Variants in JARID2 observed in about 807,000 individuals in gnomAD.
JARID2 encodes the protein jumonji and AT-rich interaction domain containing 2.
Under a neutral mutation model 125.6 loss-of-function variants are expected in JARID2, and 21 were observed. The ratio of observed to expected loss-of-function variants is 0.17; its 90% CI spans 0.12 to 0.24. JARID2 has a LOEUF of 0.24. Among genes scored for constraint, JARID2 ranks in the 10% least tolerant of loss-of-function variants. JARID2 has a pLI of 1.00. For missense variants in JARID2, 1,303 were observed against 1,639.6 expected (o/e 0.79, Z 3.55); for synonymous variants, 736 against 661.6 (o/e 1.11, Z -1.73).
rs900425251 is a variant in JARID2, at chr6:15,318,935, C to A, written c.46-55182C>A. Among the ~76,000 whole-genome samples the A allele has an allele frequency of 3.9e-5, 6 of 152,326 alleles. No individual in the cohort carries two copies. In the East Asian group the frequency reaches 9.6e-4, roughly 24 times the overall value. Reference sequence around the variant, plus strand: ...CTGTGAATCCCAGTGGCAAAGAGCTCTGCACTTCCCGCTAATTTCTGTTTT... The same window carrying A: ...CTGTGAATCCCAGTGGCAAAGAGCTATGCACTTCCCGCTAATTTCTGTTTT... On this transcript the variant is annotated intron_variant, in intron 1 of 17. Coordinates refer to ENST00000341776, the MANE Select transcript of JARID2 (RefSeq NM_004973.4).
At chr6:15,519,085 G>A (rs999708830) in intron 17 of JARID2, among the ~76,000 whole-genome samples, 7 of 152,224 alleles carry the variant, frequency 4.6e-5, no homozygotes, top group Non-Finnish European at 1.0e-4. Flanking sequence ...TAGTGTGAGA[G>A]CACTGGTCTG....
intron 2 of JARID2, among the ~76,000 whole-genome samples, chr6:15,379,542 C>A (rs1561824397): frequency 6.6e-6 from 1 of 152,164 alleles, no homozygotes; most frequent in Non-Finnish European, 1.5e-5. Context: ...ATTTGAATTT[C>A]ATTTGCTTCC....
Position 15,308,534 on chromosome 6 carries a change from G to A in JARID2, c.45+61950G>A, listed in dbSNP as rs543722554. On this transcript the variant is annotated intron_variant, in intron 1 of 17. Coordinates refer to ENST00000341776, the MANE Select transcript of JARID2 (RefSeq NM_004973.4). ...ACATTGATAGAAATCCAGAAAGAGA[G>A]AGTCCTGTTTTCTCCCCTGTGGTTA... Among the ~76,000 whole-genome samples, 63 of 152,276 alleles carry A rather than the reference G, an allele frequency of 4.1e-4. 2 individuals carry two copies. In the South Asian group the frequency reaches 0.012, roughly 30 times the overall value.
intron 2 of JARID2, among the ~76,000 whole-genome samples, chr6:15,403,442 A>G (rs2127558450): frequency 6.6e-6 from 1 of 152,110 alleles, no homozygotes; most frequent in East Asian, 1.9e-4. Flanking sequence ...TTCTAGTAGT[A>G]GCAGTGTTCT....
At chr6:15,393,666 T>C (rs184234718) in intron 2 of JARID2, among the ~76,000 whole-genome samples, 120 of 152,338 alleles carry the variant, frequency 7.9e-4, no homozygotes, top group African/African-American at 2.4e-3. Flanking sequence ...TTCTCCATGA[T>C]GTATGAAGCT....
chr6:15,497,458 G>A (rs1425950633), intron 7 of JARID2, among the ~76,000 whole-genome samples: 2 of 152,086 alleles, frequency 1.3e-5, no homozygotes, highest in Non-Finnish European at 1.5e-5. Context: ...TCAGGAGATC[G>A]AGATCACGGT....
chr6:15,362,564 T>C (rs1486223030), intron 1 of JARID2, among the ~76,000 whole-genome samples: 2 of 151,772 alleles, frequency 1.3e-5, no homozygotes, highest in African/African-American at 2.4e-5. Flanking sequence ...CAATTAGGGG[T>C]GTTGGTAGTT....
At chr6:15,495,383 C>T (rs990414424) in intron 6 of JARID2, among the ~76,000 whole-genome samples, 23 of 152,106 alleles carry the variant, frequency 1.5e-4, no homozygotes, top group African/African-American at 4.6e-4. Flanking sequence ...ATATAGGAAG[C>T]GCGTGTGCAG....
chr6:15,323,374 C>G (rs546101423), intron 1 of JARID2, among the ~76,000 whole-genome samples: 1 of 152,008 alleles, frequency 6.6e-6, no homozygotes, highest in African/African-American at 2.4e-5. Context: ...GCTACAGCAC[C>G]GGGAAATCCT....
intron 17 of JARID2, among the ~76,000 whole-genome samples, chr6:15,517,648 C>T (rs1020874133): frequency 2.0e-4 from 31 of 152,212 alleles, no homozygotes; most frequent in African/African-American, 7.5e-4. Flanking sequence ...TTGACACCAG[C>T]CCCTTCAGGC....
At chr6:15,446,217 G>A (rs942603393) in intron 3 of JARID2, among the ~76,000 whole-genome samples, 3 of 152,170 alleles carry the variant, frequency 2.0e-5, no homozygotes, top group Non-Finnish European at 2.9e-5. Flanking sequence ...CAGCATCTAT[G>A]GAGGCCTTGT....
chr6:15,482,297 A>T (rs976886192), intron 5 of JARID2, among the ~76,000 whole-genome samples: 13 of 152,082 alleles, frequency 8.5e-5, no homozygotes, highest in Admixed American at 6.6e-4. Flanking sequence ...TGAATTCCAG[A>T]CCCCTTTCTA....
chr6:15,495,628 C>T (rs1451464027), intron 6 of JARID2, among the ~76,000 whole-genome samples: 4 of 152,192 alleles, frequency 2.6e-5, no homozygotes, highest in Non-Finnish European at 4.4e-5. Flanking sequence ...ATTTCTAAAT[C>T]CTGTGGGCAG....
intron 3 of JARID2, among the ~76,000 whole-genome samples, chr6:15,438,311 A>C (rs982163836): frequency 1.3e-5 from 2 of 152,168 alleles, no homozygotes; most frequent in Non-Finnish European, 2.9e-5. Flanking sequence ...AAGTTGCATT[A>C]TAAAGAGGGT....
At chr6:15,358,113 A>G (rs1465059274) in intron 1 of JARID2, among the ~76,000 whole-genome samples, 1 of 152,112 alleles carries the variant, frequency 6.6e-6, no homozygotes, top group East Asian at 1.9e-4. Context: ...TTAAAATTGG[A>G]AAGTGTTTTC....
chr6:15,248,974 G>A, intron 1 of JARID2: 1 of 985,300 alleles, frequency 1.0e-6, no homozygotes. Flanking sequence ...GGTGAGGGCC[G>A]GGGAGCCGTA....
At chr6:15,516,656 C>T (rs1771576597) in intron 16 of JARID2, among the ~76,000 whole-genome samples, 2 of 152,228 alleles carry the variant, frequency 1.3e-5, no homozygotes, top group Non-Finnish European at 2.9e-5. Flanking sequence ...ACTCATGGAC[C>T]ACCATGAGAA....
intron 1 of JARID2, among the ~76,000 whole-genome samples, chr6:15,316,980 A>T (rs1241275315): frequency 2.0e-5 from 3 of 152,198 alleles, no homozygotes; most frequent in Non-Finnish European, 4.4e-5. Flanking sequence ...CCTTTGTTAT[A>T]GAGTTGCTGT....
intron 2 of JARID2, among the ~76,000 whole-genome samples, chr6:15,388,699 C>T (rs1336072252): frequency 6.6e-6 from 1 of 151,762 alleles, no homozygotes; most frequent in African/African-American, 2.4e-5. Context: ...ACCGGCAAGG[C>T]CAAACCTGTA....
Sources: allele counts gnomAD v4.1 joint callset (sites outside exome capture counted in the v4.1 genomes callset), GRCh38; gene constraint gnomAD v4.1.1; transcripts MANE v1.5; gene names NCBI Gene and HGNC (gene_info 2026-07-23, HGNC 2026-07-21).